GNAQ: variants seen among roughly 807,000 people sequenced by gnomAD.
GNAQ encodes the protein guanine nucleotide-binding protein G(q) subunit alpha.
GNAQ carries 8 observed loss-of-function variants against 43.9 expected under a neutral mutation model. The ratio of observed to expected loss-of-function variants is 0.18; its 90% confidence interval spans 0.11 to 0.33. GNAQ has a LOEUF of 0.33. GNAQ is among the 10% of genes least tolerant of loss of function. The pLI is 1.00. For synonymous variants in GNAQ, 155 were observed against 170.7 expected (o/e 0.91, Z 0.71); for missense variants, 158 against 450.8 (o/e 0.35, Z 5.88).
At chr9:77,780,267 C>G (rs1004618535) in intron 5 of GNAQ, among the ~76,000 whole-genome samples, 1 of 151,842 alleles carries the variant, frequency 6.6e-6, no homozygotes, top group Non-Finnish European at 1.5e-5. Context: ...AAATCTCTCC[C>G]TCCCCATACC....
At chr9:77,894,752 T>G (rs905190038) in intron 2 of GNAQ, among the ~76,000 whole-genome samples, 10 of 151,882 alleles carry the variant, frequency 6.6e-5, no homozygotes, top group Non-Finnish European at 1.3e-4. Context: ...GATTTGCTTG[T>G]GATAAAATGG....
At position 77,716,569 on chromosome 9, in the gene GNAQ, G is replaced by A. The variant is rs554548008; in HGVS notation, c.*4754C>T. 5 of 232,692 alleles carry A rather than the reference G, an allele frequency of 2.1e-5. No homozygotes were observed. Among genetic ancestry groups the A allele is most frequent in the Admixed American group, 1.1e-4 (2 of 17,754 alleles). The allele number at this position is 232,692 out of a possible 1,614,324, so 14.4% of individuals were successfully genotyped here. ...TGAGGAAAAGAAATCCACCAAAAACGTGTTTCAGTCAAAGTAACCTGGACA... is the reference window on the plus strand; with the variant it reads ...TGAGGAAAAGAAATCCACCAAAAACATGTTTCAGTCAAAGTAACCTGGACA... On this transcript the variant is annotated 3_prime_UTR_variant, in exon 7 of 7. Transcript: ENST00000286548.
chr9:77,769,424 A>T (rs1826185460), intron 5 of GNAQ, among the ~76,000 whole-genome samples: 1 of 151,546 alleles, frequency 6.6e-6, no homozygotes. Flanking sequence ...AAGGAAGAAG[A>T]ACTAATCTGC....
chr9:77,898,672 G>A (rs1828543738), intron 2 of GNAQ, among the ~76,000 whole-genome samples: 1 of 152,132 alleles, frequency 6.6e-6, no homozygotes, highest in African/African-American at 2.4e-5. Context: ...CAAGTGAAAA[G>A]AGTAGAGAAT....
At chr9:77,880,093 A>G (rs2118061043) in intron 2 of GNAQ, among the ~76,000 whole-genome samples, 1 of 152,336 alleles carries the variant, frequency 6.6e-6, no homozygotes, top group East Asian at 1.9e-4. Flanking sequence ...TTAGAAATGT[A>G]TTAATCAGTC....
rs1387222282 is a variant in GNAQ at position 77,762,156 on chromosome 9, G to A, written c.735+32307C>T. ...AGCCCCCTGCCCGGCCAGCCGCCCC[G>A]TCCGGGAGGTGAGGGGCGCCTCTGC... On this transcript the variant is annotated intron_variant, in intron 5 of 6. Coordinates refer to ENST00000286548, the MANE Select transcript of GNAQ (RefSeq NM_002072.5). Among the ~76,000 whole-genome samples the A allele has an allele frequency of 2.6e-4, 33 of 129,284 alleles. No homozygotes were observed. In the South Asian group the frequency reaches 3.6e-3, roughly 14 times the overall value. 84.8% of individuals were successfully genotyped at this position (129,284 alleles called of 152,430 possible).
intron 2 of GNAQ, among the ~76,000 whole-genome samples, chr9:77,878,130 GT>G (rs1253486817): frequency 2.0e-5 from 3 of 151,648 alleles, no homozygotes; most frequent in Non-Finnish European, 2.9e-5. Context: ...ATGAATTACT[GT>G]TTTTGTTTAG....
At chr9:77,970,191 G>A (rs745639723) in intron 1 of GNAQ, among the ~76,000 whole-genome samples, 32 of 151,408 alleles carry the variant, frequency 2.1e-4, no homozygotes, top group Non-Finnish European at 4.4e-4. Flanking sequence ...CTCCACTCCA[G>A]CCTAGGCAAC....
intron 2 of GNAQ, among the ~76,000 whole-genome samples, chr9:77,860,896 C>T (rs185132679): frequency 6.6e-6 from 1 of 152,206 alleles, no homozygotes; most frequent in Non-Finnish European, 1.5e-5. Context: ...ATAATGGCCC[C>T]TCAAAGATAT....
chr9:77,761,428 C>T (rs1193866282), intron 5 of GNAQ, among the ~76,000 whole-genome samples: 19 of 138,296 alleles, frequency 1.4e-4, no homozygotes, highest in East Asian at 2.4e-4. Context: ...CCCGGCCAGC[C>T]GCCCCTTCCG....
intron 6 of GNAQ, 42 bp downstream of exon 6, chr9:77,728,471 AC>A: frequency 3.4e-6 from 5 of 1,462,622 alleles, no homozygotes; most frequent in Non-Finnish European, 3.8e-6. Context: ...TGGAGACAAA[AC>A]CTATTCACAG....
intron 1 of GNAQ, among the ~76,000 whole-genome samples, chr9:77,929,007 C>T (rs1829109347): frequency 6.6e-6 from 1 of 152,126 alleles, no homozygotes; most frequent in Non-Finnish European, 1.5e-5. Context: ...AAGAGTGAGA[C>T]TCTGTCTCTA....
At chr9:77,745,746 A>G (rs1184260967) in intron 5 of GNAQ, among the ~76,000 whole-genome samples, 2 of 151,784 alleles carry the variant, frequency 1.3e-5, no homozygotes, top group Admixed American at 1.3e-4. Context: ...ATATTTAAAA[A>G]ATTTCAGAAA....
chr9:77,802,578 G>A (rs1026597847), intron 3 of GNAQ, among the ~76,000 whole-genome samples: 2 of 151,912 alleles, frequency 1.3e-5, no homozygotes, highest in Non-Finnish European at 2.9e-5. Context: ...ACCGAGGTCT[G>A]AACAAATTTA....
chr9:77,857,960 CT>C (rs1827786955), intron 2 of GNAQ, among the ~76,000 whole-genome samples: 1 of 151,546 alleles, frequency 6.6e-6, no homozygotes, highest in South Asian at 2.1e-4. Context: ...TCCCCAAAAG[CT>C]TTTTTAAACA....
At chr9:77,942,976 T>C (rs1377909666) in intron 1 of GNAQ, among the ~76,000 whole-genome samples, 1 of 152,216 alleles carries the variant, frequency 6.6e-6, no homozygotes, top group Non-Finnish European at 1.5e-5. Context: ...AATGAGTGAA[T>C]TTACCTTTCT....
At chr9:77,845,074 A>AAGT (rs1827561514) in intron 2 of GNAQ, among the ~76,000 whole-genome samples, 1 of 152,230 alleles carries the variant, frequency 6.6e-6, no homozygotes, top group South Asian at 2.1e-4. Flanking sequence ...GTACTACTCT[A>AAGT]ACATGAAATT....
chr9:77,786,321 C>A (rs1472012240), intron 5 of GNAQ, among the ~76,000 whole-genome samples: 1 of 140,300 alleles, frequency 7.1e-6, no homozygotes, highest in Non-Finnish European at 1.5e-5. Context: ...GAGCTTGCAG[C>A]GAGCCGAGAT....
At chr9:77,744,297 T>C (rs956182645) in intron 5 of GNAQ, among the ~76,000 whole-genome samples, 2 of 152,190 alleles carry the variant, frequency 1.3e-5, no homozygotes, top group Non-Finnish European at 2.9e-5. Context: ...GTGGGAAGAA[T>C]GGATCCGACT....
Sources: allele counts gnomAD v4.1 joint callset (sites outside exome capture counted in the v4.1 genomes callset), GRCh38; gene constraint gnomAD v4.1.1; transcripts MANE v1.5; gene names NCBI Gene and HGNC (gene_info 2026-07-23, HGNC 2026-07-21).